UTRN: variants seen among roughly 807,000 people sequenced by gnomAD.
UTRN encodes utrophin.
Under a neutral mutation model 463.9 loss-of-function variants are expected in UTRN, and 283 were observed. The observed-to-expected ratio is 0.61, with a 90% CI of 0.55 to 0.67. UTRN has a LOEUF of 0.67. Among genes scored for constraint, UTRN ranks in the 30% least tolerant of loss-of-function variants. The pLI, the probability that UTRN is intolerant of heterozygous loss-of-function variation, is 0.00. For missense variants in UTRN, 3,922 were observed against 4,084.3 expected (o/e 0.96, Z 1.08); for synonymous variants, 1,442 against 1,431.5 (o/e 1.01, Z -0.17).
chr6:144,798,064 A>G (rs1777386781), intron 64 of UTRN, 74 bp downstream of exon 64: 2 of 1,577,820 alleles, frequency 1.3e-6, no homozygotes, highest in African/African-American at 2.7e-5. Context: ...TCCATCCTCC[A>G]TTCCCATTCA....
Position 144,422,559 on chromosome 6 carries a change from A to G in UTRN, c.234+589A>G, listed in dbSNP as rs147345383. ...CTTGAACACAGGAGGTGGAGGTTGC[A>G]GTGAGCCGAGATTGCGCCACTGCAC... On this transcript the variant is annotated intron_variant, in intron 4 of 74. Coordinates refer to ENST00000367545, the MANE Select transcript of UTRN (RefSeq NM_007124.3). Among the ~76,000 whole-genome samples, 570 of 152,220 alleles carry G rather than the reference A, an allele frequency of 3.7e-3. 9 individuals carry two copies. In the East Asian group the frequency reaches 0.065, roughly 17 times the overall value.
intron 2 of UTRN, among the ~76,000 whole-genome samples, chr6:144,331,242 C>T (rs979332049): frequency 6.6e-6 from 1 of 152,144 alleles, no homozygotes; most frequent in Non-Finnish European, 1.5e-5. Flanking sequence ...CAAGGTCAGT[C>T]ATTAAAAACA....
At chr6:144,570,978 A>G (rs984034851) in intron 50 of UTRN, among the ~76,000 whole-genome samples, 3 of 152,190 alleles carry the variant, frequency 2.0e-5, no homozygotes, top group African/African-American at 7.2e-5. Flanking sequence ...CTCTTTTTAC[A>G]TTAGCTGTTG....
At chr6:144,824,175 T>C (rs370037212) in intron 66 of UTRN, among the ~76,000 whole-genome samples, 1 of 151,962 alleles carries the variant, frequency 6.6e-6, no homozygotes, top group Non-Finnish European at 1.5e-5. Context: ...GATGGAACCA[T>C]ATAATGAAGG....
At chr6:144,569,605 T>C (rs2128621224) in intron 50 of UTRN, among the ~76,000 whole-genome samples, 1 of 152,350 alleles carries the variant, frequency 6.6e-6, no homozygotes, top group South Asian at 2.1e-4. Flanking sequence ...GTTTATTCAA[T>C]AAATACTTGT....
intron 51 of UTRN, among the ~76,000 whole-genome samples, chr6:144,656,963 G>T (rs1276312830): frequency 6.6e-6 from 1 of 152,144 alleles, no homozygotes; most frequent in African/African-American, 2.4e-5. Flanking sequence ...GAAAGAAGCT[G>T]CCATCAGCTG....
At chr6:144,318,939 A>G (rs1433670629) in intron 2 of UTRN, among the ~76,000 whole-genome samples, 2 of 152,140 alleles carry the variant, frequency 1.3e-5, no homozygotes, top group African/African-American at 2.4e-5. Context: ...GTGTGATGCC[A>G]GCACCTGTGG....
intron 35 of UTRN, among the ~76,000 whole-genome samples, 196 bp from the exon 36 acceptor site, chr6:144,513,713 A>C (rs1314698833): frequency 1.3e-5 from 2 of 152,208 alleles, no homozygotes; most frequent in Non-Finnish European, 2.9e-5. Context: ...AAATTTAAAA[A>C]GTGTTAAGCA....
chr6:144,330,959 G>T (rs987821369), intron 2 of UTRN: 1 of 985,214 alleles, frequency 1.0e-6, no homozygotes, highest in African/African-American at 1.7e-5. Flanking sequence ...ACGCTGAGCC[G>T]ACGAGAAATG....
chr6:144,637,009 C>T (rs1170681086), intron 51 of UTRN, among the ~76,000 whole-genome samples: 1 of 152,146 alleles, frequency 6.6e-6, no homozygotes, highest in Non-Finnish European at 1.5e-5. Context: ...TTCATTGACA[C>T]CCAGCCTGAA....
At chr6:144,651,695 T>G (rs1778831481) in intron 51 of UTRN, among the ~76,000 whole-genome samples, 1 of 152,258 alleles carries the variant, frequency 6.6e-6, no homozygotes, top group African/African-American at 2.4e-5. Flanking sequence ...TTCTGATGAC[T>G]TAAGTTCTTA....
At chr6:144,609,792 C>T (rs1805276682) in intron 51 of UTRN, among the ~76,000 whole-genome samples, 1 of 151,946 alleles carries the variant, frequency 6.6e-6, no homozygotes, top group Non-Finnish European at 1.5e-5. Context: ...GGAAAATAAA[C>T]AAATATGTGG....
intron 43 of UTRN, among the ~76,000 whole-genome samples, chr6:144,536,960 G>T (rs1392497279): frequency 2.6e-5 from 4 of 151,416 alleles, no homozygotes; most frequent in African/African-American, 9.7e-5. Context: ...TTTTTGCTTT[G>T]TTTTTTTCTA....
Position 144,531,038 on chromosome 6 carries a change from G to T in UTRN, c.5907-14G>T, listed in dbSNP as rs759135776. On this transcript the variant is annotated splice_polypyrimidine_tract_variant and intron_variant, in intron 41 of 74. Transcript: ENST00000367545. ...AATTTGGAAACCTATTTTATTTTGT[G>T]TATTGTCCTCTAGTTGTTTTGACAG... 1.2e-6 allele frequency: 2 copies of T among 1,609,694 alleles called. No homozygotes were observed. The highest frequency in any genetic ancestry group is 2.7e-5 in the African/African-American group (2 of 74,814).
At chr6:144,520,139 G>A (rs911478116) in intron 39 of UTRN, among the ~76,000 whole-genome samples, 1 of 152,100 alleles carries the variant, frequency 6.6e-6, no homozygotes, top group Non-Finnish European at 1.5e-5. Flanking sequence ...GAAGGAAAAC[G>A]GGTCCCACTT....
chr6:144,358,128 A>G (rs774449687), intron 2 of UTRN, among the ~76,000 whole-genome samples: 12 of 152,274 alleles, frequency 7.9e-5, no homozygotes, highest in South Asian at 4.1e-4. Flanking sequence ...TATTGTGGGT[A>G]TTAGACTATA....
At chr6:144,368,311 T>C (rs1323797006) in intron 2 of UTRN, among the ~76,000 whole-genome samples, 2 of 152,118 alleles carry the variant, frequency 1.3e-5, no homozygotes, top group Non-Finnish European at 2.9e-5. Flanking sequence ...GAAAGACATA[T>C]GACATTAAAG....
chr6:144,767,948 GGTAA>G (rs1409782555), intron 58 of UTRN, among the ~76,000 whole-genome samples: 2 of 152,200 alleles, frequency 1.3e-5, no homozygotes, highest in East Asian at 1.9e-4. Flanking sequence ...AGTATATTTG[GGTAA>G]GTGTTAGTTT....
At chr6:144,367,203 T>C (rs1779589196) in intron 2 of UTRN, among the ~76,000 whole-genome samples, 1 of 152,162 alleles carries the variant, frequency 6.6e-6, no homozygotes, top group East Asian at 1.9e-4. Flanking sequence ...CAGGATGGTC[T>C]TGAACTCCTG....
Sources: allele counts gnomAD v4.1 joint callset (sites outside exome capture counted in the v4.1 genomes callset), GRCh38; gene constraint gnomAD v4.1.1; transcripts MANE v1.5; gene names NCBI Gene and HGNC (gene_info 2026-07-23, HGNC 2026-07-21).